SYNE2: variants seen among roughly 807,000 people sequenced by gnomAD.
The protein encoded by SYNE2 is nesprin-2.
In SYNE2, 431 loss-of-function variants were observed where a neutral mutation model predicts 856.3. The observed-to-expected ratio is 0.50, with a 90% CI of 0.47 to 0.55. The LOEUF (loss-of-function observed/expected upper bound fraction) is 0.55. Among genes scored for constraint, SYNE2 ranks in the 20% least tolerant of loss-of-function variants. SYNE2 has a pLI of 0.00. For missense variants in SYNE2, 8,129 were observed against 8,023.2 expected, an observed-to-expected ratio of 1.01 and a Z score of -0.50; for synonymous variants, 2,923 against 2,872.3, an observed-to-expected ratio of 1.02 and a Z score of -0.56.
intron 1 of SYNE2, among the ~76,000 whole-genome samples, chr14:63,840,787 C>A (rs751741397): frequency 2.0e-5 from 3 of 152,046 alleles, no homozygotes; most frequent in African/African-American, 7.2e-5. Flanking sequence ...CCGAGGCAGG[C>A]GGATCCCCTG....
At chr14:63,788,879 A>G (rs1392699224) in intron 1 of SYNE2, among the ~76,000 whole-genome samples, 1 of 152,240 alleles carries the variant, frequency 6.6e-6, no homozygotes, top group Non-Finnish European at 1.5e-5. Flanking sequence ...AAAAGAAAGG[A>G]AATAAGTGTA....
At chr14:63,820,409 A>G (rs545104983) in intron 1 of SYNE2, among the ~76,000 whole-genome samples, 3 of 152,370 alleles carry the variant, frequency 2.0e-5, no homozygotes, top group African/African-American at 7.2e-5. Flanking sequence ...TTAATTAAGA[A>G]TGGATCAGAG....
At chr14:63,996,000 C>G (rs1316745994) in intron 23 of SYNE2, among the ~76,000 whole-genome samples, 3 of 152,176 alleles carry the variant, frequency 2.0e-5, no homozygotes, top group South Asian at 4.1e-4. Flanking sequence ...CAATTTTTCT[C>G]TCCAGCTGAG....
In SYNE2 at chr14:63,977,474, A is replaced by G. The variant is rs183278050; in HGVS notation, c.1294-431A>G. 2.6e-5 allele frequency among the ~76,000 whole-genome samples: 4 copies of G among 152,320 alleles called. No homozygotes were observed. The East Asian group carries it at 7.7e-4, about 29-fold the overall frequency. On this transcript the variant is annotated intron_variant, in intron 12 of 115. Transcript: ENST00000555002. ...TGATCTGCCCACCTCGGCCTCCCAT[A>G]GTGCTGGGATTACAGGCGTGAGCCA... is the stretch of plus-strand genomic sequence containing the variant.
At chr14:63,974,842 G>T (rs896745655) in intron 11 of SYNE2, among the ~76,000 whole-genome samples, 4 of 127,826 alleles carry the variant, frequency 3.1e-5, no homozygotes, top group Admixed American at 1.7e-4. Context: ...AGACGTGTGT[G>T]TGTGTGTACA....
intron 78 of SYNE2, among the ~76,000 whole-genome samples, chr14:64,134,870 C>G (rs1245976747): frequency 2.6e-5 from 4 of 151,932 alleles, no homozygotes; most frequent in African/African-American, 9.7e-5. Context: ...GCCTGTAATC[C>G]CAGTTACTTG....
intron 96 of SYNE2, among the ~76,000 whole-genome samples, chr14:64,186,018 GT>G (rs1317885330): frequency 1.3e-5 from 2 of 152,088 alleles, no homozygotes; most frequent in Non-Finnish European, 2.9e-5. Context: ...ATTTCTTAGG[GT>G]TTTTTTAAAT....
At chr14:64,221,829 C>G (rs112706895) in intron 112 of SYNE2, 125 bp downstream of exon 112, 3 of 1,142,588 alleles carry the variant, frequency 2.6e-6, no homozygotes, top group African/African-American at 1.5e-5. Context: ...TGTAAATGCA[C>G]GAGTTCAGCC....
chr14:63,949,096 A>G (rs2096106129), intron 6 of SYNE2, among the ~76,000 whole-genome samples: 1 of 151,958 alleles, frequency 6.6e-6, no homozygotes, highest in African/African-American at 2.4e-5. Flanking sequence ...TTAGTCTGTC[A>G]TTTGTTGAGA....
chr14:64,080,169 A>C lies in SYNE2; in HGVS notation c.11164-287A>C, dbSNP rs184702359. The stretch of plus-strand genomic sequence containing the variant: ...TTGTCACTCTTGAGAGATGAGGGCT[A>C]TATTGACCTTGTTTGTGTCAGTCAT... On this transcript the variant is annotated intron_variant, in intron 55 of 115. Coordinates refer to ENST00000555002, the MANE Select transcript of SYNE2 (RefSeq NM_182914.3). Among the ~76,000 whole-genome samples the C allele has an allele frequency of 3.3e-3, 496 of 152,268 alleles. 2 individuals carry two copies. Among genetic ancestry groups the C allele is most frequent in the Middle Eastern group, 0.014 (4 of 294 alleles).
intron 61 of SYNE2, among the ~76,000 whole-genome samples, chr14:64,096,837 A>G (rs1257230975): frequency 1.3e-5 from 2 of 152,220 alleles, no homozygotes; most frequent in African/African-American, 4.8e-5. Flanking sequence ...TATTGCTTCT[A>G]TGACTATCTG....
chr14:64,153,489 T>TCAAC (rs979224638), intron 85 of SYNE2, among the ~76,000 whole-genome samples: 2 of 152,186 alleles, frequency 1.3e-5, no homozygotes, highest in African/African-American at 4.8e-5. Context: ...AAATCTACTT[T>TCAAC]CAACCATTTG....
At position 64,134,142 on chromosome 14, in the gene SYNE2, CTG is replaced by C; in HGVS notation, c.14591_14592del (p.Val4864GlufsTer49). ...GAAATTCTTATATCTACATTGCCCTCTGTGAGTTTGGTGGAAGAAACAGAGGA... is the reference window on the plus strand; with the variant it reads ...GAAATTCTTATATCTACATTGCCCTCTGAGTTTGGTGGAAGAAACAGAGGA... On this transcript the variant is annotated frameshift_variant, in exon 78 of 116. Transcript: ENST00000555002. LOFTEE classifies it high-confidence loss of function. 6.2e-7 allele frequency: 1 copy of C among 1,613,992 alleles called. No homozygotes were observed. Among genetic ancestry groups the C allele is most frequent in the Non-Finnish European group, 8.5e-7 (1 of 1,179,882 alleles).
At chr14:64,063,670 G>A (rs2097334783) in intron 50 of SYNE2, among the ~76,000 whole-genome samples, 1 of 152,208 alleles carries the variant, frequency 6.6e-6, no homozygotes, top group South Asian at 2.1e-4. Flanking sequence ...GGATTTGGAT[G>A]AGGACTTTCT....
chr14:64,204,819 A>G (rs1375024797), intron 100 of SYNE2, among the ~76,000 whole-genome samples: 4 of 152,216 alleles, frequency 2.6e-5, no homozygotes, highest in Non-Finnish European at 5.9e-5. Flanking sequence ...CAAATTTACT[A>G]TATATCTGGA....
At chr14:63,950,389 A>C (rs982227822) in intron 7 of SYNE2, among the ~76,000 whole-genome samples, 1 of 152,110 alleles carries the variant, frequency 6.6e-6, no homozygotes, top group Non-Finnish European at 1.5e-5. Context: ...CCCCGTCTCT[A>C]TGAAAAATAC....
rs368537226 is a variant in SYNE2 at position 63,942,079 on chromosome 14, A to G, written c.344A>G (p.Asp115Gly). 6.2e-7 allele frequency: 1 copy of G among 1,611,528 alleles called. No individual in the cohort carries two copies. Among genetic ancestry groups the G allele is most frequent in the Admixed American group, 1.7e-5 (1 of 60,012 alleles). ...AAGCTAATAAATATTCATGTTACTG[A>G]TATCATTGATGGAAACCCATCCATT... The part of the protein sequence containing the change: ...SIKLINIHVT[D>G]IIDGNPSIIL... The change falls in exon 6 of 116, where the codon GAT (aspartate) becomes GGT (glycine). Residue 115 changes from aspartate (D) to glycine (G), a missense_variant. Around this residue, in one of 3 missense-constraint regions of SYNE2, gnomAD observed 2,422 missense variants for 2,357.4 expected, o/e 1.03. Coordinates refer to ENST00000555002, the MANE Select transcript of SYNE2 (RefSeq NM_182914.3).
Position 64,220,655 on chromosome 14 carries a change from C to G in SYNE2, c.20061+18C>G, listed in dbSNP as rs1220914122. ...AGTGCCAGGTACGCTGACTCAGCAG[C>G]CCGCCTCCCAGAGCCGGTACCCAGG... is the stretch of plus-strand genomic sequence containing the variant. On this transcript the variant is annotated intron_variant, in intron 111 of 115. Coordinates refer to ENST00000555002, the MANE Select transcript of SYNE2 (RefSeq NM_182914.3). The G allele has an allele frequency of 6.2e-7, 1 of 1,612,372 alleles. No homozygotes were observed. Among genetic ancestry groups the G allele is most frequent in the Non-Finnish European group, 8.5e-7 (1 of 1,179,774 alleles).
Position 64,162,100 on chromosome 14 carries a change from G to A in SYNE2, c.16123G>A (p.Asp5375Asn), listed in dbSNP as rs1406627184. The change falls in exon 88 of 116, where the codon GAC (aspartate) becomes AAC (asparagine). Residue 5375 changes from aspartate to asparagine, a missense_variant. By Grantham distance (23) the Asp-to-Asn change is conservative (BLOSUM62 1). Coordinates refer to ENST00000555002, the MANE Select transcript of SYNE2 (RefSeq NM_182914.3). ...GACTCAGGTGAACCAAGCCATTGCAGACCAGTTGCAGAAGGCCCAGAGTCT... is the reference window on the plus strand; with the variant it reads ...GACTCAGGTGAACCAAGCCATTGCAAACCAGTTGCAGAAGGCCCAGAGTCT... ...RWTQVNQAIA[D>N]QLQKAQSLLQ... 2.5e-6 allele frequency: 4 copies of A among 1,614,060 alleles called. No individual in the cohort carries two copies. Among genetic ancestry groups the A allele is most frequent in the Non-Finnish European group, 3.4e-6 (4 of 1,180,040 alleles).
Sources: gnomAD v4.1 joint callset for allele counts (sites outside exome capture counted in the v4.1 genomes callset) on GRCh38, gnomAD v4.1.1 for gene constraint, gnomAD v4.1.1 regional missense constraint, MANE v1.5 for transcripts, NCBI Gene and HGNC (gene_info 2026-07-23, HGNC 2026-07-21) for gene names.